Variants in ELOA observed in about 807,000 individuals in gnomAD.
ELOA encodes the protein elongin-A.
A neutral mutation model predicts 85.2 loss-of-function variants in ELOA; 15 were observed. That is an observed-to-expected ratio of 0.18 (90% CI 0.12 to 0.27). The LOEUF is 0.27. Among genes scored for constraint, ELOA ranks in the 10% least tolerant of loss-of-function variants. The pLI is 1.00. For missense variants in ELOA, 769 were observed against 952.7 expected, an observed-to-expected ratio of 0.81 and a Z score of 2.54; for synonymous variants, 348 against 357.2, an observed-to-expected ratio of 0.97 and a Z score of 0.29.
At chr1:23,745,129 A>G (rs1396389684) in intron 1 of ELOA, among the ~76,000 whole-genome samples, 1 of 152,216 alleles carries the variant, frequency 6.6e-6, no homozygotes, top group Non-Finnish European at 1.5e-5. Context: ...AATCTGGGAA[A>G]ACTTAAAATG....
intron 8 of ELOA, 27 bp downstream of exon 8, chr1:23,756,050 G>A (rs1234254307): frequency 1.2e-6 from 2 of 1,606,118 alleles, no homozygotes; most frequent in Non-Finnish European, 1.7e-6. Flanking sequence ...AGCTGGGGGA[G>A]AACTGGCAGG....
rs1230905868 is a variant in ELOA at position 23,751,433 on chromosome 1, C to T, written c.828C>T (p.Ser276=). 1 of 1,614,046 alleles carries T rather than the reference C, an allele frequency of 6.2e-7. No individual in the cohort carries two copies. The highest frequency in any genetic ancestry group is 8.5e-7 in the Non-Finnish European group (1 of 1,180,032). The change falls in exon 4 of 11, where the codon TCC becomes TCT. Residue 276 remains serine, a synonymous_variant. Transcript: ENST00000613537. ...GAGAGAAATCACACAAGGCCCTCTCCAAAGAGGAGAACCGAAGGCCACCCT... is the reference window on the plus strand; with the variant it reads ...GAGAGAAATCACACAAGGCCCTCTCTAAAGAGGAGAACCGAAGGCCACCCT... ...VSREKSHKAL[S]KEENRRPPSG...
chr1:23,752,412 T>C lies in ELOA; in HGVS notation c.1431T>C (p.Pro477=). The change falls in exon 5 of 11, where the codon CCT becomes CCC. Residue 477 remains proline (P), a synonymous_variant. Transcript: ENST00000613537. The part of the protein sequence containing the change: ...GADLAKLRKV[P]DVLPVLPDLP... ...CATGGGTCTGTCCCCTGCAGGTGCC[T>C]GATGTGTTGCCAGTGTTGCCAGACC... is the stretch of plus-strand genomic sequence containing the variant. 4 of 1,613,926 alleles carry C rather than the reference T, an allele frequency of 2.5e-6. No individual in the cohort carries two copies. Among genetic ancestry groups the C allele is most frequent in the Non-Finnish European group, 2.5e-6 (3 of 1,179,910 alleles).
At chr1:23,748,974 TGTTA>T in intron 1 of ELOA, 43 bp from the exon 2 acceptor site, 1 of 1,499,428 alleles carries the variant, frequency 6.7e-7, no homozygotes, top group Non-Finnish European at 9.3e-7. Flanking sequence ...CAGATATTCT[TGTTA>T]AAGTGAATTT....
intron 10 of ELOA, among the ~76,000 whole-genome samples, chr1:23,758,062 T>C (rs1638226159): frequency 6.6e-6 from 1 of 151,280 alleles, no homozygotes; most frequent in African/African-American, 2.4e-5. Flanking sequence ...ATAAATATCA[T>C]TGTGAATGAC....
chr1:23,755,833 C>T lies in ELOA; in HGVS notation c.1792-10C>T. ...CTTGTACACAAATGATGTCCTGGTTCTGGTTTCAGGTATTAATTGAAGAAA... is the reference window on the plus strand; with the variant it reads ...CTTGTACACAAATGATGTCCTGGTTTTGGTTTCAGGTATTAATTGAAGAAA... On this transcript the variant is annotated splice_polypyrimidine_tract_variant and intron_variant, in intron 7 of 10. Coordinates refer to ENST00000613537, the MANE Select transcript of ELOA (RefSeq NM_003198.3). The T allele has an allele frequency of 1.1e-5, 18 of 1,578,222 alleles. No homozygotes were observed. Among genetic ancestry groups the T allele is most frequent in the Admixed American group, 3.9e-5 (2 of 51,448 alleles).
intron 3 of ELOA, 141 bp from the exon 4 acceptor site, chr1:23,750,704 C>A (rs1644765945): frequency 2.6e-6 from 2 of 783,666 alleles, no homozygotes; most frequent in Non-Finnish European, 3.8e-6. Flanking sequence ...TATCTTTAAG[C>A]ATAACCTACT....
intron 1 of ELOA, among the ~76,000 whole-genome samples, chr1:23,746,317 C>T (rs1038477432): frequency 6.7e-6 from 1 of 148,234 alleles, no homozygotes; most frequent in African/African-American, 2.5e-5. Context: ...AAAACACACA[C>T]ACACAGTTGG....
intron 1 of ELOA, among the ~76,000 whole-genome samples, chr1:23,745,779 C>T (rs1462887876): frequency 6.6e-6 from 1 of 152,158 alleles, no homozygotes; most frequent in Non-Finnish European, 1.5e-5. Flanking sequence ...TTATATAGCC[C>T]TGTTGAATTT....
chr1:23,758,440 A>C (rs1243040420), intron 10 of ELOA, among the ~76,000 whole-genome samples: 1 of 147,930 alleles, frequency 6.8e-6, no homozygotes, highest in Non-Finnish European at 1.5e-5. Flanking sequence ...AGCCCAGCTA[A>C]TTTTTTGTAT....
In ELOA at chr1:23,759,953, C is replaced by G. The variant is rs1638267420; in HGVS notation, c.*380C>G. 4.4e-6 allele frequency: 1 copy of G among 228,560 alleles called. No homozygotes were observed. The highest frequency in any genetic ancestry group is 5.8e-5 in the South Asian group (1 of 17,382). The allele number at this position is 228,560 out of a possible 1,614,324, so 14.2% of individuals were successfully genotyped here. A position where few individuals can be genotyped will look rare whatever the true frequency, so the allele number is the denominator to read the frequency against. The stretch of plus-strand genomic sequence containing the variant: ...TTTTGTCCTCTACCACACATTTAGC[C>G]TTTTATCTTCCAGGTCCTTATTAAA... On this transcript the variant is annotated 3_prime_UTR_variant, in exon 11 of 11. Transcript: ENST00000613537.
In ELOA at chr1:23,751,022, C is replaced by T. The variant is rs34390860; in HGVS notation, c.417C>T (p.Leu139=). The T allele has an allele frequency of 2.5e-3, 4,074 of 1,613,950 alleles. 85 individuals carry two copies. The African/African-American group carries it at 0.047, about 19-fold the overall frequency. ...RQKKHRKLSE[L]ERPHKVSHGH... ...AGAAACATAGGAAACTCTCGGAGCTCGAGAGACCTCACAAAGTGTCTCACG... is the reference window on the plus strand; with the variant it reads ...AGAAACATAGGAAACTCTCGGAGCTTGAGAGACCTCACAAAGTGTCTCACG... The change falls in exon 4 of 11, where the codon CTC becomes CTT. Residue 139 remains leucine (L), a synonymous_variant. Coordinates refer to ENST00000613537, the MANE Select transcript of ELOA (RefSeq NM_003198.3).
intron 10 of ELOA, among the ~76,000 whole-genome samples, chr1:23,758,247 A>ATTTTTTTTTTTTTTTTT (rs1338294015): frequency 1.8e-5 from 1 of 56,790 alleles, no homozygotes; most frequent in African/African-American, 5.9e-5. Flanking sequence ...GGGTCTTCCA[A>ATTTTTTTTTTTTTTTTT]TTTATTTATT....
intron 2 of ELOA, 75 bp downstream of exon 2, chr1:23,749,152 G>A: frequency 7.6e-7 from 1 of 1,319,954 alleles, no homozygotes; most frequent in East Asian, 2.3e-5. Context: ...GTAGAATAAG[G>A]TTACAAGTAT....
intron 4 of ELOA, 150 bp downstream of exon 4, chr1:23,752,180 T>C: frequency 2.3e-6 from 2 of 874,886 alleles, no homozygotes; most frequent in Non-Finnish European, 3.5e-6. Context: ...CTTCACTGGT[T>C]GTCAGGGTAT....
intron 1 of ELOA, among the ~76,000 whole-genome samples, chr1:23,748,646 T>C (rs1644756798): frequency 6.6e-6 from 1 of 152,228 alleles, no homozygotes; most frequent in African/African-American, 2.4e-5. Context: ...GTAATTCCCC[T>C]AAAATTGGTA....
At chr1:23,759,482 G>A in intron 10 of ELOA, 30 bp from the exon 11 acceptor site, 2 of 1,613,838 alleles carry the variant, frequency 1.2e-6, no homozygotes, top group Non-Finnish European at 1.7e-6. Flanking sequence ...CCACAGATCT[G>A]AGACAGCTGC....
intron 1 of ELOA, 144 bp downstream of exon 1, chr1:23,743,722 T>A: frequency 3.8e-6 from 4 of 1,045,618 alleles, no homozygotes; most frequent in Non-Finnish European, 5.1e-6. Context: ...TCGCGGCCAT[T>A]GACCGCTGCC....
intron 1 of ELOA, chr1:23,744,420 C>G (rs888231483): frequency 4.6e-5 from 7 of 151,868 alleles, no homozygotes; most frequent in African/African-American, 1.7e-4. Flanking sequence ...TCTCTGGTCT[C>G]CAGGAGACAG....
Sources: gnomAD v4.1 joint callset for allele counts (sites outside exome capture counted in the v4.1 genomes callset) on GRCh38, gnomAD v4.1.1 for gene constraint, MANE v1.5 for transcripts, NCBI Gene and HGNC (gene_info 2026-07-23, HGNC 2026-07-21) for gene names.